Variants in NRIP1 observed in about 807,000 individuals in gnomAD.
The protein encoded by NRIP1 is nuclear receptor interacting protein 1.
NRIP1 carries 28 observed loss-of-function variants against 75.0 expected under a neutral mutation model. The observed-to-expected ratio is 0.37, with a 90% confidence interval of 0.28 to 0.51. The LOEUF (loss-of-function observed/expected upper bound fraction) is 0.51. Among genes scored for constraint, NRIP1 ranks in the 20% least tolerant of loss-of-function variants. The pLI, the probability that NRIP1 is intolerant of heterozygous loss-of-function variation, is 0.92. For missense variants in NRIP1, 1,435 were observed against 1,343.7 expected (o/e 1.07, Z -1.06); for synonymous variants, 526 against 487.6 (o/e 1.08, Z -1.04).
chr21:15,023,303 G>C (rs17000680), intron 2 of NRIP1, among the ~76,000 whole-genome samples: 2 of 152,266 alleles, frequency 1.3e-5, no homozygotes, highest in East Asian at 1.9e-4. Flanking sequence ...TAAAAACCTA[G>C]ATCTCTAATC....
intron 3 of NRIP1, among the ~76,000 whole-genome samples, chr21:15,008,451 T>C (rs2088025967): frequency 6.6e-6 from 1 of 151,362 alleles, no homozygotes; most frequent in African/African-American, 2.4e-5. Context: ...AAAGCCGGGG[T>C]AGGGGGAAAA....
In NRIP1 at chr21:14,968,113, T is replaced by C. The variant is rs755938945; in HGVS notation, c.80A>G (p.His27Arg). The stretch of plus-strand genomic sequence containing the variant: ...AGTACCTGATCCCCCTGCTGCCTGA[T>C]GCATTAGTAATCCTTCTAGGTAAGT... ...VLTYLEGLLM[H>R]QAAGGSGTAV... The change falls in exon 4 of 4, where the codon CAT becomes CGT. Residue 27 changes from histidine (H) to arginine (R), a missense_variant. Physicochemically the swap from His to Arg is conservative, Grantham distance 29. Transcript: ENST00000318948. 9.9e-6 allele frequency: 16 copies of C among 1,614,002 alleles called. No homozygotes were observed. In the Admixed American group the frequency reaches 1.3e-4, roughly 13 times the overall value.
In NRIP1 at chr21:15,063,722, G is replaced by A. The variant is rs973542256; in HGVS notation, c.-538+1023C>T. On this transcript the variant is annotated intron_variant, in intron 1 of 3. Coordinates refer to ENST00000318948, the MANE Select transcript of NRIP1 (RefSeq NM_003489.4). ...AAACTCCAACTCAGTTCCACCAACTGGGTTTTTAAAAATCCTTGTGCCTAA... is the reference window on the plus strand; with the variant it reads ...AAACTCCAACTCAGTTCCACCAACTAGGTTTTTAAAAATCCTTGTGCCTAA... Among the ~76,000 whole-genome samples the A allele has an allele frequency of 5.3e-5, 8 of 152,216 alleles. No homozygotes were observed. In the South Asian group the frequency reaches 8.3e-4, roughly 16 times the overall value.
In NRIP1 at chr21:14,966,345, A is replaced by G. The variant is rs758909953; in HGVS notation, c.1848T>C (p.Asn616=). 1 of 1,613,904 alleles carries G rather than the reference A, an allele frequency of 6.2e-7. No individual in the cohort carries two copies. Among genetic ancestry groups the G allele is most frequent in the Non-Finnish European group, 8.5e-7 (1 of 1,179,950 alleles). The change falls in exon 4 of 4, where the codon AAT becomes AAC. Residue 616 remains asparagine, a synonymous_variant. Coordinates refer to ENST00000318948, the MANE Select transcript of NRIP1 (RefSeq NM_003489.4). Reference sequence around the variant, plus strand: ...ACGTTGCAGAGTTCTGTGCACCTTCATTTTGGGCTGGTTTCTCTCCTGGTG... The same window carrying G: ...ACGTTGCAGAGTTCTGTGCACCTTCGTTTTGGGCTGGTTTCTCTCCTGGTG... The part of the protein sequence containing the change: ...KDPPGEKPAQ[N]EGAQNSATFS...
chr21:14,988,486 A>C (rs887035218), intron 3 of NRIP1, among the ~76,000 whole-genome samples: 8 of 136,078 alleles, frequency 5.9e-5, no homozygotes, highest in Non-Finnish European at 1.1e-4. Context: ...ATATAGATAG[A>C]TAGTATATAT....
At chr21:15,048,465 G>A (rs2089135660) in intron 1 of NRIP1, among the ~76,000 whole-genome samples, 1 of 152,212 alleles carries the variant, frequency 6.6e-6, no homozygotes, top group Non-Finnish European at 1.5e-5. Context: ...CAGGCAGGAT[G>A]TTCCCAAAAT....
At chr21:14,974,607 A>G (rs1425441411) in intron 3 of NRIP1, among the ~76,000 whole-genome samples, 2 of 152,230 alleles carry the variant, frequency 1.3e-5, no homozygotes, top group African/African-American at 4.8e-5. Context: ...TGTTCCAAAA[A>G]TCATAAAAGA....
chr21:15,005,071 T>C (rs2087932439), intron 3 of NRIP1, among the ~76,000 whole-genome samples: 1 of 152,206 alleles, frequency 6.6e-6, no homozygotes, highest in Admixed American at 6.5e-5. Context: ...ATTTAAAAAC[T>C]GGGCATTTAT....
chr21:14,968,071 G>A lies in NRIP1; in HGVS notation c.122C>T (p.Ser41Phe). ...CTGATCCTCTTCATTATGCCCAGCA[G>A]ACTTTTTGTCAACGGCAGTACCTGA... ...GGSGTAVDKK[S>F]AGHNEEDQNF... Residue 41 changes from serine (S) to phenylalanine (F), a missense_variant, in exon 4 of 4, where the codon TCT (serine) becomes TTT (phenylalanine). Ser to Phe is a radical substitution (Grantham distance 155). Coordinates refer to ENST00000318948, the MANE Select transcript of NRIP1 (RefSeq NM_003489.4). 1 of 1,614,070 alleles carries A rather than the reference G, an allele frequency of 6.2e-7. No homozygotes were observed. The highest frequency in any genetic ancestry group is 8.5e-7 in the Non-Finnish European group (1 of 1,180,002).
At chr21:15,004,522 C>G (rs2087920177) in intron 3 of NRIP1, among the ~76,000 whole-genome samples, 1 of 152,168 alleles carries the variant, frequency 6.6e-6, no homozygotes, top group Non-Finnish European at 1.5e-5. Context: ...TGGACTTTGT[C>G]CAACTAATTT....
intron 2 of NRIP1, among the ~76,000 whole-genome samples, 196 bp downstream of exon 2, chr21:15,043,299 G>A (rs903636683): frequency 1.3e-5 from 2 of 152,296 alleles, no homozygotes; most frequent in East Asian, 1.9e-4. Flanking sequence ...TAAACCAGAC[G>A]TTTTATTCGC....
intron 3 of NRIP1, among the ~76,000 whole-genome samples, chr21:14,979,686 TG>T (rs2087175378): frequency 7.9e-6 from 1 of 126,470 alleles, no homozygotes; most frequent in African/African-American, 2.6e-5. Context: ...CCAGTATGTT[TG>T]TTTTTTTTAA....
chr21:15,023,313 C>T (rs1276295460), intron 2 of NRIP1, among the ~76,000 whole-genome samples: 1 of 152,176 alleles, frequency 6.6e-6, no homozygotes, highest in African/African-American at 2.4e-5. Flanking sequence ...GATCTCTAAT[C>T]TTACTTGTGT....
In NRIP1 at chr21:14,964,867, A is replaced by G; in HGVS notation, c.3326T>C (p.Leu1109Pro). Reference protein sequence around the residue: ...VSQVTAKEELLPTAETKASFF... With the variant: ...VSQVTAKEELPPTAETKASFF... ...AGAAGCTTTCGTTTCTGCAGTAGGA[A>G]GTAACTCTTCTTTGGCTGTGACCTG... is the stretch of plus-strand genomic sequence containing the variant. The change falls in exon 4 of 4, where the codon CTT (leucine) becomes CCT (proline). Residue 1109 changes from leucine (L) to proline (P), a missense_variant. Coordinates refer to ENST00000318948, the MANE Select transcript of NRIP1 (RefSeq NM_003489.4). 1 of 1,613,408 alleles carries G rather than the reference A, an allele frequency of 6.2e-7. No individual in the cohort carries two copies. Among genetic ancestry groups the G allele is most frequent in the Non-Finnish European group, 8.5e-7 (1 of 1,179,690 alleles).
intron 3 of NRIP1, among the ~76,000 whole-genome samples, chr21:14,986,046 C>A (rs955431291): frequency 1.3e-5 from 2 of 152,030 alleles, no homozygotes; most frequent in African/African-American, 4.8e-5. Flanking sequence ...TAAACTATTT[C>A]TCTGTGCCCA....
intron 2 of NRIP1, among the ~76,000 whole-genome samples, chr21:15,016,110 TG>T (rs1433068105): frequency 6.6e-6 from 1 of 152,242 alleles, no homozygotes. Context: ...TGGACATGAC[TG>T]TATTTGATTT....
At chr21:15,024,227 A>G (rs140609173) in intron 2 of NRIP1, among the ~76,000 whole-genome samples, 12 of 152,328 alleles carry the variant, frequency 7.9e-5, no homozygotes, top group African/African-American at 2.4e-4. Context: ...TGAAAAATGA[A>G]CAACACCATA....
chr21:15,028,479 A>C (rs940830688), intron 2 of NRIP1, among the ~76,000 whole-genome samples: 11 of 152,188 alleles, frequency 7.2e-5, no homozygotes, highest in African/African-American at 2.4e-4. Context: ...ACAGTCATAA[A>C]ACTACATCCA....
At chr21:14,978,231 A>C (rs529461931) in intron 3 of NRIP1, among the ~76,000 whole-genome samples, 1 of 152,298 alleles carries the variant, frequency 6.6e-6, no homozygotes, top group Non-Finnish European at 1.5e-5. Flanking sequence ...CTAAATCTAA[A>C]ATTTTATTCC....
Sources: gnomAD v4.1 joint callset for allele counts (sites outside exome capture counted in the v4.1 genomes callset) on GRCh38, gnomAD v4.1.1 for gene constraint, MANE v1.5 for transcripts, NCBI Gene and HGNC (gene_info 2026-07-23, HGNC 2026-07-21) for gene names.